DMTF1: variants seen among roughly 807,000 people sequenced by gnomAD.
DMTF1 encodes the protein cyclin D binding myb like transcription factor 1, also known as cyclin-D-binding Myb-like transcription factor 1.
A neutral mutation model predicts 91.1 loss-of-function variants in DMTF1; 39 were observed. The ratio of observed to expected loss-of-function variants is 0.43; its 90% CI spans 0.33 to 0.56. DMTF1 has a LOEUF of 0.56. Among genes scored for constraint, DMTF1 ranks in the 20% least tolerant of loss-of-function variants. The pLI is 0.05. For missense variants in DMTF1, 750 were observed against 914.5 expected (o/e 0.82, Z 2.32); for synonymous variants, 338 against 309.5 (o/e 1.09, Z -0.97).
chr7:87,185,794 T>C, intron 11 of DMTF1, 35 bp from the exon 12 acceptor site: 1 of 1,610,698 alleles, frequency 6.2e-7, no homozygotes, highest in Admixed American at 1.7e-5. Context: ...GAGAAATTAA[T>C]TTAATGTCTA....
chr7:87,163,791 A>G (rs1793098663), intron 2 of DMTF1, among the ~76,000 whole-genome samples, 174 bp downstream of exon 2: 1 of 152,234 alleles, frequency 6.6e-6, no homozygotes, highest in Admixed American at 6.5e-5. Flanking sequence ...TTGGATCTTT[A>G]CCATGTAAAT....
Position 87,156,405 on chromosome 7 carries a change from C to T in DMTF1, c.-132+3850C>T, listed in dbSNP as rs1022802714. 5.3e-5 allele frequency among the ~76,000 whole-genome samples: 8 copies of T among 152,226 alleles called. No individual in the cohort carries two copies. In the East Asian group the frequency reaches 1.5e-3, roughly 29 times the overall value. ...TGTTGACATTTTTATGATATATAATCATATTTTACCATCTTAAAACCAAGC... is the reference window on the plus strand; with the variant it reads ...TGTTGACATTTTTATGATATATAATTATATTTTACCATCTTAAAACCAAGC... On this transcript the variant is annotated intron_variant, in intron 1 of 17. Coordinates refer to ENST00000331242, the MANE Select transcript of DMTF1 (RefSeq NM_001142327.2).
chr7:87,187,495 T>C (rs1454469418), intron 12 of DMTF1: 9 of 152,612 alleles, frequency 5.9e-5, no homozygotes, highest in Non-Finnish European at 2.9e-5. Context: ...CAGTGAGCTA[T>C]GATTATGCCA....
At chr7:87,164,616 A>C (rs1459864921) in intron 2 of DMTF1, among the ~76,000 whole-genome samples, 1 of 152,256 alleles carries the variant, frequency 6.6e-6, no homozygotes, top group Admixed American at 6.5e-5. Context: ...ACAGTAAAAA[A>C]GTGGGGAAAG....
chr7:87,153,368 T>C (rs976194637), intron 1 of DMTF1, among the ~76,000 whole-genome samples: 4 of 152,220 alleles, frequency 2.6e-5, no homozygotes, highest in African/African-American at 9.7e-5. Flanking sequence ...TCCACTTTGT[T>C]CTCTAAAATG....
At position 87,195,259 on chromosome 7, in the gene DMTF1, C is replaced by G; in HGVS notation, c.*119C>G. 1.5e-6 allele frequency: 1 copy of G among 665,376 alleles called. No homozygotes were observed. The allele number at this position is 665,376 out of a possible 1,614,324, so 41.2% of individuals were successfully genotyped here. A position where few individuals can be genotyped will look rare whatever the true frequency, so the allele number is the denominator to read the frequency against. ...TTTACCAATTTAAATAGCCACAGTC[C>G]TTAAGCCACACACATTGTTGCTGCT... On this transcript the variant is annotated 3_prime_UTR_variant, in exon 18 of 18. Transcript: ENST00000331242.
chr7:87,177,616 T>C (rs1796515241), intron 7 of DMTF1, among the ~76,000 whole-genome samples: 1 of 152,174 alleles, frequency 6.6e-6, no homozygotes, highest in African/African-American at 2.4e-5. Context: ...ATGTATCACC[T>C]TTTTTGTTTG....
At chr7:87,178,522 G>C (rs1467032308) in intron 7 of DMTF1, among the ~76,000 whole-genome samples, 1 of 151,606 alleles carries the variant, frequency 6.6e-6, no homozygotes. Context: ...CCATAAATTT[G>C]CTGATGTGAT....
At position 87,196,171 on chromosome 7, in the gene DMTF1, TTA is replaced by T. The variant is rs1801186697; in HGVS notation, c.*1033_*1034del. On this transcript the variant is annotated 3_prime_UTR_variant, in exon 18 of 18. Coordinates refer to ENST00000331242, the MANE Select transcript of DMTF1 (RefSeq NM_001142327.2). ...CAAGAAAAAAAAACCCTTGTATAAA[TTA>T]TTTTATTTATTATTGTAATTAGATC... 6.5e-6 allele frequency: 1 copy of T among 153,398 alleles called. No homozygotes were observed. The highest frequency in any genetic ancestry group is 1.5e-5 in the Non-Finnish European group (1 of 68,690). 9.5% of individuals were successfully genotyped at this position (153,398 alleles called of 1,614,324 possible). A position where few individuals can be genotyped will look rare whatever the true frequency, so the allele number is the denominator to read the frequency against.
At chr7:87,179,515 C>T (rs1796913888) in intron 7 of DMTF1, 30 bp from the exon 8 acceptor site, 2 of 1,471,612 alleles carry the variant, frequency 1.4e-6, no homozygotes, top group African/African-American at 1.5e-5. Context: ...TATCAGAAAT[C>T]CCTAAATCAA....
chr7:87,190,764 T>C (rs1294870879), intron 13 of DMTF1, among the ~76,000 whole-genome samples, 181 bp from the exon 14 acceptor site: 1 of 152,076 alleles, frequency 6.6e-6, no homozygotes, highest in Non-Finnish European at 1.5e-5. Flanking sequence ...CTATATGTCA[T>C]GCAAGACAAA....
chr7:87,195,988 G>A lies in DMTF1; in HGVS notation c.*848G>A, dbSNP rs1801146629. 1 of 151,420 alleles carries A rather than the reference G, an allele frequency of 6.6e-6. No individual in the cohort carries two copies. The highest frequency in any genetic ancestry group is 6.6e-5 in the Admixed American group (1 of 15,152). 9.4% of individuals were successfully genotyped at this position (151,420 alleles called of 1,614,324 possible). A position where few individuals can be genotyped will look rare whatever the true frequency, so the allele number is the denominator to read the frequency against. On this transcript the variant is annotated 3_prime_UTR_variant, in exon 18 of 18. Coordinates refer to ENST00000331242, the MANE Select transcript of DMTF1 (RefSeq NM_001142327.2). ...ATCCACTTAGTGTGTTAGCTGGTGG[G>A]GTACAATATAACCTCTCATCTCAGG... is the stretch of plus-strand genomic sequence containing the variant.
chr7:87,158,965 CTA>C (rs1024536151), intron 1 of DMTF1, among the ~76,000 whole-genome samples: 28 of 151,972 alleles, frequency 1.8e-4, no homozygotes, highest in African/African-American at 6.5e-4. Flanking sequence ...CTTTAAAAAA[CTA>C]TTATTTGTTA....
chr7:87,164,366 G>C (rs1793302318), intron 2 of DMTF1: 1 of 152,146 alleles, frequency 6.6e-6, no homozygotes, highest in Non-Finnish European at 1.5e-5. Flanking sequence ...AAAGTTACCT[G>C]TTTCAAAAGA....
rs781406878 is a variant in DMTF1, at chr7:87,166,567, A to G, written c.194A>G (p.Asp65Gly). ...CLSSEDDQSI[D>G]DSTPCISVVA... is the part of the protein sequence containing the mutation. ...TCCTCTGAGGATGATCAGAGTATTG[A>G]TGATTCTACTCCTTGCATATCAGTT... The change falls in exon 4 of 18, where the codon GAT becomes GGT. Residue 65 changes from aspartate (D) to glycine (G), a missense_variant. By Grantham distance (94) the Asp-to-Gly change is moderately conservative. Transcript: ENST00000331242. The G allele has an allele frequency of 8.6e-6, 13 of 1,505,242 alleles. No individual in the cohort carries two copies. The highest frequency in any genetic ancestry group is 1.0e-5 in the Non-Finnish European group (11 of 1,089,614). The allele number at this position is 1,505,242 out of a possible 1,614,324, so 93.2% of individuals were successfully genotyped here. A position where few individuals can be genotyped will look rare whatever the true frequency, so the allele number is the denominator to read the frequency against.
chr7:87,193,722 T>C lies in DMTF1; in HGVS notation c.1651-3T>C. ...CTTTAACAGGTTCTTTAATGTTTTA[T>C]AGCCAGAACATTTGTTGAACACAAG... On this transcript the variant is annotated splice_region_variant and splice_polypyrimidine_tract_variant and intron_variant, in intron 15 of 17. Coordinates refer to ENST00000331242, the MANE Select transcript of DMTF1 (RefSeq NM_001142327.2). The C allele has an allele frequency of 6.3e-7, 1 of 1,586,952 alleles. No individual in the cohort carries two copies. Among genetic ancestry groups the C allele is most frequent in the South Asian group, 1.2e-5 (1 of 85,848 alleles).
At chr7:87,181,281 T>A in intron 8 of DMTF1, 28 bp from the exon 9 acceptor site, 2 of 1,106,866 alleles carry the variant, frequency 1.8e-6, no homozygotes, top group Non-Finnish European at 2.7e-6. Context: ...TTTTAATTGA[T>A]TTTTTAAAAA....
intron 7 of DMTF1, among the ~76,000 whole-genome samples, chr7:87,177,511 T>A (rs570346746): frequency 3.3e-5 from 5 of 152,282 alleles, no homozygotes; most frequent in African/African-American, 1.2e-4. Flanking sequence ...TATTGGTCAT[T>A]TGTATTACAG....
chr7:87,172,517 C>T (rs1795298738), intron 5 of DMTF1, among the ~76,000 whole-genome samples: 1 of 152,226 alleles, frequency 6.6e-6, no homozygotes. Context: ...GACAACTTAT[C>T]TCTTTCCAAG....
Sources: gnomAD v4.1 joint callset for allele counts (sites outside exome capture counted in the v4.1 genomes callset) on GRCh38, gnomAD v4.1.1 for gene constraint, MANE v1.5 for transcripts, NCBI Gene and HGNC (gene_info 2026-07-23, HGNC 2026-07-21) for gene names.